The following RTKN2 variants were observed in gnomAD, a reference collection of about 807,000 sequenced individuals.
The protein encoded by RTKN2 is rhotekin 2, also known as rhotekin-2.
A neutral mutation model predicts 71.5 loss-of-function variants in RTKN2; 69 were observed. The observed-to-expected ratio is 0.96, with a 90% confidence interval of 0.79 to 1.18. RTKN2 has a LOEUF of 1.18. Ranked by LOEUF, RTKN2 falls within the 50% of genes most tolerant of loss-of-function variation. RTKN2 has a pLI of 0.00. For synonymous variants in RTKN2, 236 were observed against 236.5 expected, an observed-to-expected ratio of 1.00 and a Z score of 0.02; for missense variants, 724 against 719.7, an observed-to-expected ratio of 1.01 and a Z score of -0.07.
intron 2 of RTKN2, among the ~76,000 whole-genome samples, chr10:62,247,756 A>G (rs1395502912): frequency 6.6e-6 from 1 of 152,008 alleles, no homozygotes; most frequent in East Asian, 1.9e-4. Context: ...ACAAATCTCA[A>G]TTTCTTCAAA....
In RTKN2 at chr10:62,198,093, T is replaced by C. The variant is rs145577789; in HGVS notation, c.1645A>G (p.Met549Val). The C allele has an allele frequency of 2.6e-5, 42 of 1,614,152 alleles. No individual in the cohort carries two copies. In the East Asian group the frequency reaches 8.2e-4, roughly 32 times the overall value. Reference sequence around the variant, plus strand: ...GCCATTGGTTTCTGTAAGTGATGCATTAGAGTTGATAGTTTGGTATCCAAA... The same window carrying C: ...GCCATTGGTTTCTGTAAGTGATGCACTAGAGTTGATAGTTTGGTATCCAAA... The part of the protein sequence containing the change: ...SSLDTKLSTL[M>V]HHLQKPMAAP... Residue 549 changes from methionine to valine, a missense_variant, in exon 12 of 12, where the codon ATG (methionine) becomes GTG (valine). By Grantham distance (21) the Met-to-Val change is conservative (BLOSUM62 1). Coordinates refer to ENST00000373789, the MANE Select transcript of RTKN2 (RefSeq NM_145307.4).
At chr10:62,236,823 G>T (rs935159898) in intron 5 of RTKN2, among the ~76,000 whole-genome samples, 1 of 151,730 alleles carries the variant, frequency 6.6e-6, no homozygotes, top group Admixed American at 6.6e-5. Context: ...GCTACAACAC[G>T]GATGAACTTG....
At chr10:62,199,015 A>G (rs1227587932) in intron 11 of RTKN2, among the ~76,000 whole-genome samples, 2 of 152,206 alleles carry the variant, frequency 1.3e-5, no homozygotes, top group Admixed American at 6.5e-5. Flanking sequence ...CTTTGGTAAT[A>G]AGGGTGGTGG....
At chr10:62,210,288 A>C (rs1841633408) in intron 9 of RTKN2, among the ~76,000 whole-genome samples, 1 of 152,174 alleles carries the variant, frequency 6.6e-6, no homozygotes, top group African/African-American at 2.4e-5. Flanking sequence ...AAATTTTCTT[A>C]AGTGTGACAA....
intron 3 of RTKN2, among the ~76,000 whole-genome samples, chr10:62,245,633 C>G (rs1232043059): frequency 6.6e-6 from 1 of 151,978 alleles, no homozygotes; most frequent in Non-Finnish European, 1.5e-5. Context: ...CTGACCTAGA[C>G]AAAACATTAA....
At chr10:62,215,462 G>A (rs1193420118) in intron 9 of RTKN2, among the ~76,000 whole-genome samples, 1 of 151,980 alleles carries the variant, frequency 6.6e-6, no homozygotes, top group Non-Finnish European at 1.5e-5. Context: ...TCCTGGATCA[G>A]ACACTAAATA....
chr10:62,193,668 T>C lies in RTKN2; in HGVS notation c.*4240A>G. 1.0e-6 allele frequency: 1 copy of C among 985,230 alleles called. No homozygotes were observed. The allele number at this position is 985,230 out of a possible 1,614,324, so 61.0% of individuals were successfully genotyped here. A position where few individuals can be genotyped will look rare whatever the true frequency, so the allele number is the denominator to read the frequency against. Reference sequence around the variant, plus strand: ...GAATAAAGTACTGAGGGAGGTACATTAAAATAAGGAGACTCCTTGTGGCTA... The same window carrying C: ...GAATAAAGTACTGAGGGAGGTACATCAAAATAAGGAGACTCCTTGTGGCTA... On this transcript the variant is annotated 3_prime_UTR_variant, in exon 12 of 12. Coordinates refer to ENST00000373789, the MANE Select transcript of RTKN2 (RefSeq NM_145307.4).
At chr10:62,266,721 T>C (rs1175123346) in intron 1 of RTKN2, among the ~76,000 whole-genome samples, 1 of 152,226 alleles carries the variant, frequency 6.6e-6, no homozygotes, top group Non-Finnish European at 1.5e-5. Flanking sequence ...ATAACAACAA[T>C]AGTCATCTCT....
intron 5 of RTKN2, chr10:62,238,686 T>C (rs890693318): frequency 2.6e-5 from 4 of 152,044 alleles, no homozygotes; most frequent in Non-Finnish European, 5.9e-5. Flanking sequence ...TTACTACTTA[T>C]AACTCAGAAC....
chr10:62,218,049 A>C, intron 8 of RTKN2, 146 bp downstream of exon 8: 1 of 551,576 alleles, frequency 1.8e-6, no homozygotes, highest in Non-Finnish European at 3.2e-6. Flanking sequence ...CACCCCCTAC[A>C]GTTTATATCT....
intron 9 of RTKN2, among the ~76,000 whole-genome samples, chr10:62,208,909 A>T (rs1292539006): frequency 6.6e-6 from 1 of 152,230 alleles, no homozygotes; most frequent in Non-Finnish European, 1.5e-5. Flanking sequence ...TGATGAAAGT[A>T]TATGACCCTT....
At chr10:62,205,111 T>C (rs996494034) in intron 9 of RTKN2, 89 bp from the exon 10 acceptor site, 5 of 980,172 alleles carry the variant, frequency 5.1e-6, no homozygotes, top group Non-Finnish European at 7.6e-6. Context: ...ACCATATTTA[T>C]ACCTGATGTA....
At chr10:62,266,742 C>T (rs999143462) in intron 1 of RTKN2, among the ~76,000 whole-genome samples, 4 of 152,234 alleles carry the variant, frequency 2.6e-5, no homozygotes, top group African/African-American at 9.6e-5. Context: ...GAAGCACATC[C>T]TGAGTGCTAG....
At chr10:62,266,848 GAA>G (rs1182365169) in intron 1 of RTKN2, among the ~76,000 whole-genome samples, 2 of 152,178 alleles carry the variant, frequency 1.3e-5, no homozygotes, top group African/African-American at 4.8e-5. Flanking sequence ...CTGAAACTTA[GAA>G]AACAGAGATA....
chr10:62,232,403 C>A (rs867767534), intron 6 of RTKN2, among the ~76,000 whole-genome samples: 11 of 150,852 alleles, frequency 7.3e-5, no homozygotes, highest in African/African-American at 2.4e-4. Context: ...TAGCCTCAAC[C>A]TCCCAGGCTC....
intron 9 of RTKN2, among the ~76,000 whole-genome samples, chr10:62,208,472 G>A (rs1254336093): frequency 6.6e-6 from 1 of 152,072 alleles, no homozygotes; most frequent in East Asian, 1.9e-4. Flanking sequence ...ACTCGAAGGG[G>A]CTTCTACTAG....
intron 2 of RTKN2, among the ~76,000 whole-genome samples, chr10:62,247,095 T>G (rs1445069042): frequency 6.6e-6 from 1 of 151,988 alleles, no homozygotes; most frequent in Non-Finnish European, 1.5e-5. Flanking sequence ...AATTTTCCAT[T>G]TGGATATTGT....
In RTKN2 at chr10:62,196,499, C is replaced by T. The variant is rs1212234023; in HGVS notation, c.*1409G>A. 7.1e-6 allele frequency: 7 copies of T among 985,026 alleles called. No homozygotes were observed. Among genetic ancestry groups the T allele is most frequent in the Admixed American group, 1.2e-4 (2 of 16,244 alleles). The allele number at this position is 985,026 out of a possible 1,614,324, so 61.0% of individuals were successfully genotyped here. A position where few individuals can be genotyped will look rare whatever the true frequency, so the allele number is the denominator to read the frequency against. ...CATTCTCTATAAATGGAAAAGACCC[C>T]GCTATCTGAAAATAATGAAAGGCTC... On this transcript the variant is annotated 3_prime_UTR_variant, in exon 12 of 12. Coordinates refer to ENST00000373789, the MANE Select transcript of RTKN2 (RefSeq NM_145307.4).
intron 6 of RTKN2, among the ~76,000 whole-genome samples, chr10:62,225,328 C>A (rs1841998279): frequency 6.6e-6 from 1 of 152,202 alleles, no homozygotes. Context: ...ATGGACCAAT[C>A]CCCCCTTCCC....
Sources: gnomAD v4.1 joint callset for allele counts (sites outside exome capture counted in the v4.1 genomes callset) on GRCh38, gnomAD v4.1.1 for gene constraint, MANE v1.5 for transcripts, NCBI Gene and HGNC (gene_info 2026-07-23, HGNC 2026-07-21) for gene names.